Variants in PKP2 observed in about 807,000 individuals in gnomAD.
PKP2 encodes the protein plakophilin 2, also known as plakophilin-2.
A neutral mutation model predicts 83.4 loss-of-function variants in PKP2; 73 were observed. The ratio of observed to expected loss-of-function variants is 0.88; its 90% CI spans 0.72 to 1.06. The LOEUF (loss-of-function observed/expected upper bound fraction) is 1.06, where lower values mean the gene tolerates loss of function less well. PKP2 is among the 50% of genes least tolerant of loss of function. The probability of loss-of-function intolerance (pLI) is 0.00; values close to 1 mark genes in which losing one functional copy is unlikely to be tolerated. For missense variants in PKP2, 966 were observed against 1,065.4 expected (o/e 0.91, Z 1.30); for synonymous variants, 409 against 430.4 (o/e 0.95, Z 0.62).
rs1592762989 is a variant in PKP2 at position 32,877,847 on chromosome 12, C to T, written c.1033G>A (p.Gly345Arg). The change falls in exon 3 of 13, where the codon GGG (glycine) becomes AGG (arginine). Residue 345 changes from glycine to arginine, a missense_variant and splice_region_variant. By Grantham distance (125) the Gly-to-Arg change is moderately radical. Transcript: ENST00000340811. ...CTGCAGAGTCAGGAGGGGACTTACC[C>T]CAGCTGGGAGTCAGTGAAAGTGCTT... ...ERSTFTDSQL[G>R]NADMEMTLER... 6.2e-7 allele frequency: 1 copy of T among 1,610,362 alleles called. No individual in the cohort carries two copies. Among genetic ancestry groups the T allele is most frequent in the East Asian group, 2.2e-5 (1 of 44,860 alleles).
intron 6 of PKP2, 27 bp downstream of exon 6, chr12:32,841,001 A>C (rs1302973436): frequency 3.1e-6 from 5 of 1,590,398 alleles, no homozygotes; most frequent in Non-Finnish European, 4.3e-6. Context: ...TGCATCTTCT[A>C]TCAGGGCAGG....
At chr12:32,813,721 G>T (rs989598677) in intron 9 of PKP2, among the ~76,000 whole-genome samples, 2 of 151,516 alleles carry the variant, frequency 1.3e-5, no homozygotes, top group Admixed American at 1.3e-4. Context: ...GGTCAAGGCT[G>T]CAGTGAGCCA....
At chr12:32,809,450 A>G (rs1956257058) in intron 9 of PKP2, among the ~76,000 whole-genome samples, 1 of 152,198 alleles carries the variant, frequency 6.6e-6, no homozygotes, top group Admixed American at 6.5e-5. Flanking sequence ...ATCCTGTTTC[A>G]GGCAGACTCA....
At chr12:32,838,793 A>G (rs1956564241) in intron 6 of PKP2, among the ~76,000 whole-genome samples, 1 of 152,222 alleles carries the variant, frequency 6.6e-6, no homozygotes, top group Non-Finnish European at 1.5e-5. Flanking sequence ...TATGTAAACA[A>G]CTATCATATA....
chr12:32,871,972 TCCTC>T (rs1445135366), intron 3 of PKP2, among the ~76,000 whole-genome samples: 1 of 152,126 alleles, frequency 6.6e-6, no homozygotes, highest in African/African-American at 2.4e-5. Flanking sequence ...TTCTCTGTCT[TCCTC>T]CCTCCTTCTC....
intron 1 of PKP2, 60 bp from the exon 2 acceptor site, chr12:32,879,092 G>C: frequency 1.1e-6 from 1 of 891,086 alleles, no homozygotes; most frequent in South Asian, 1.3e-5. Flanking sequence ...AATATTTACA[G>C]ACTGTATAAC....
chr12:32,865,525 A>T (rs573263075), intron 4 of PKP2, among the ~76,000 whole-genome samples: 31 of 152,008 alleles, frequency 2.0e-4, no homozygotes, highest in Non-Finnish European at 4.0e-4. Flanking sequence ...CACTAAAAAA[A>T]AAATACAAAA....
chr12:32,800,926 C>G (rs1306575541), intron 10 of PKP2, among the ~76,000 whole-genome samples: 6 of 152,160 alleles, frequency 3.9e-5, no homozygotes, highest in Non-Finnish European at 7.3e-5. Context: ...AACTTTATTG[C>G]AGGTGAGAAC....
chr12:32,859,548 C>G (rs1052459105), intron 4 of PKP2, among the ~76,000 whole-genome samples: 4 of 152,142 alleles, frequency 2.6e-5, no homozygotes, highest in Admixed American at 6.5e-5. Context: ...CCTCTGCCCC[C>G]TGGGTTCAAG....
chr12:32,829,478 T>G (rs963851563), intron 6 of PKP2, among the ~76,000 whole-genome samples: 1 of 151,654 alleles, frequency 6.6e-6, no homozygotes, highest in Admixed American at 6.6e-5. Flanking sequence ...TTCAAACTCC[T>G]GGTTTCTAGC....
At chr12:32,817,072 T>G (rs535491421) in intron 9 of PKP2, among the ~76,000 whole-genome samples, 9 of 152,350 alleles carry the variant, frequency 5.9e-5, no homozygotes, top group African/African-American at 2.2e-4. Context: ...TATTTTGCTG[T>G]GCAGAAGCTC....
chr12:32,806,217 C>T lies in PKP2; in HGVS notation c.2014-3661G>A, dbSNP rs1053074562. 1.3e-5 allele frequency among the ~76,000 whole-genome samples: 2 copies of T among 152,270 alleles called. 1 individual carries two copies. Among genetic ancestry groups the T allele is most frequent in the South Asian group, 4.1e-4 (2 of 4,822 alleles). On this transcript the variant is annotated intron_variant, in intron 9 of 12. Transcript: ENST00000340811. ...GCCAGGTTTTGGTATCAGGATGATG[C>T]TGGTCTCACACAATCAGTTAGGGAG... is the stretch of plus-strand genomic sequence containing the variant.
intron 9 of PKP2, among the ~76,000 whole-genome samples, chr12:32,813,450 T>C (rs1956294687): frequency 6.6e-6 from 1 of 152,204 alleles, no homozygotes; most frequent in South Asian, 2.1e-4. Flanking sequence ...TTATTGTTTT[T>C]ATAATTTAGT....
chr12:32,886,941 G>A (rs1957035711), intron 1 of PKP2, among the ~76,000 whole-genome samples: 1 of 152,026 alleles, frequency 6.6e-6, no homozygotes, highest in African/African-American at 2.4e-5. Context: ...AGAAGTTGCA[G>A]TTAGCTGAGG....
chr12:32,819,952 A>C (rs1358472764), intron 9 of PKP2, among the ~76,000 whole-genome samples: 2 of 148,982 alleles, frequency 1.3e-5, no homozygotes, highest in Non-Finnish European at 3.0e-5. Flanking sequence ...TCTATAGTTT[A>C]GCAAAGTAAG....
chr12:32,865,864 A>C (rs536648654), intron 4 of PKP2, among the ~76,000 whole-genome samples: 1 of 152,258 alleles, frequency 6.6e-6, no homozygotes, highest in African/African-American at 2.4e-5. Flanking sequence ...ACTTCAGTCC[A>C]CATCTTACAA....
rs1222843065 is a variant in PKP2, at chr12:32,791,099, A to C, written c.*1325T>G. ...TTTTTTGCTTATCTTACTTAGGACA[A>C]ATGTTGTCAGATTAAAAAAAAAAAT... On this transcript the variant is annotated 3_prime_UTR_variant, in exon 13 of 13. Transcript: ENST00000340811. 1 of 150,398 alleles carries C rather than the reference A, an allele frequency of 6.6e-6. No individual in the cohort carries two copies. The highest frequency in any genetic ancestry group is 2.2e-4 in the East Asian group (1 of 4,484). 9.3% of individuals were successfully genotyped at this position (150,398 alleles called of 1,614,324 possible). A position where few individuals can be genotyped will look rare whatever the true frequency, so the allele number is the denominator to read the frequency against.
At chr12:32,880,788 T>TTTTG (rs1555148448) in intron 1 of PKP2, among the ~76,000 whole-genome samples, 27 of 151,528 alleles carry the variant, frequency 1.8e-4, no homozygotes, top group Admixed American at 1.5e-3. Flanking sequence ...CTCTCAGCTT[T>TTTTG]TTTTGAGTTT....
chr12:32,818,475 C>A (rs945695939), intron 9 of PKP2, among the ~76,000 whole-genome samples: 16 of 151,988 alleles, frequency 1.1e-4, no homozygotes, highest in African/African-American at 1.9e-4. Flanking sequence ...ACAAAAAAAA[C>A]CCAAAAAAAC....
Sources: gnomAD v4.1 joint callset for allele counts (sites outside exome capture counted in the v4.1 genomes callset) on GRCh38, gnomAD v4.1.1 for gene constraint, MANE v1.5 for transcripts, NCBI Gene and HGNC (gene_info 2026-07-23, HGNC 2026-07-21) for gene names.